SLC35F1: variants seen among roughly 807,000 people sequenced by gnomAD.
SLC35F1 encodes the protein solute carrier family 35 member F1.
Under a neutral mutation model 48.7 loss-of-function variants are expected in SLC35F1, and 14 were observed. The observed-to-expected ratio is 0.29, with a 90% CI of 0.19 to 0.45. The LOEUF (loss-of-function observed/expected upper bound fraction) is 0.45, where lower values mean the gene tolerates loss of function less well. Ranked by LOEUF, SLC35F1 falls within the 20% of genes least tolerant of loss-of-function variation. The pLI, the probability that SLC35F1 is intolerant of heterozygous loss-of-function variation, is 1.00. For missense variants in SLC35F1, 404 were observed against 500.0 expected (o/e 0.81, Z 1.83); for synonymous variants, 190 against 202.2 (o/e 0.94, Z 0.51).
intron 3 of SLC35F1, among the ~76,000 whole-genome samples, chr6:118,264,115 G>A (rs927182865): frequency 1.6e-4 from 25 of 152,318 alleles, no homozygotes; most frequent in African/African-American, 6.0e-4. Context: ...ATTCTAAACT[G>A]AGGAGATACT....
chr6:118,190,805 G>A (rs1255518843), intron 2 of SLC35F1, among the ~76,000 whole-genome samples: 1 of 152,090 alleles, frequency 6.6e-6, no homozygotes, highest in Non-Finnish European at 1.5e-5. Context: ...CAAAGAATTA[G>A]TTAGTCTACT....
At chr6:118,167,131 G>C (rs1271862739) in intron 2 of SLC35F1, among the ~76,000 whole-genome samples, 9 of 152,044 alleles carry the variant, frequency 5.9e-5, no homozygotes. Flanking sequence ...AGATGCGAAG[G>C]ATCCCTAATT....
intron 1 of SLC35F1, among the ~76,000 whole-genome samples, chr6:118,065,069 T>A (rs1156821644): frequency 2.0e-5 from 3 of 152,194 alleles, no homozygotes. Flanking sequence ...AATTATTGCA[T>A]GATCTTCCAC....
chr6:118,291,017 C>T (rs1377781800), intron 7 of SLC35F1, among the ~76,000 whole-genome samples: 1 of 151,876 alleles, frequency 6.6e-6, no homozygotes, highest in Non-Finnish European at 1.5e-5. Context: ...CTGGTCTCGA[C>T]CTCCTGACCT....
At chr6:118,099,093 T>G (rs1397528457) in intron 1 of SLC35F1, among the ~76,000 whole-genome samples, 2 of 152,192 alleles carry the variant, frequency 1.3e-5, no homozygotes, top group Non-Finnish European at 2.9e-5. Context: ...ATGGGATAGA[T>G]CCACATTCCC....
At chr6:117,966,681 C>G (rs1394587347) in intron 1 of SLC35F1, among the ~76,000 whole-genome samples, 2 of 152,188 alleles carry the variant, frequency 1.3e-5, no homozygotes, top group Non-Finnish European at 1.5e-5. Flanking sequence ...AGGCCTCTCT[C>G]CTTGGCTTGT....
At position 118,022,824 on chromosome 6, in the gene SLC35F1, C is replaced by T. The variant is rs897646901; in HGVS notation, c.173+114925C>T. On this transcript the variant is annotated intron_variant, in intron 1 of 7. Transcript: ENST00000360388. Reference sequence around the variant, plus strand: ...GGAGTGCAGTGGTGCGATCTCGGCTCACTGCAAGCTCCGCCTCCTGGGTTC... The same window carrying T: ...GGAGTGCAGTGGTGCGATCTCGGCTTACTGCAAGCTCCGCCTCCTGGGTTC... Among the ~76,000 whole-genome samples, 4 of 149,450 alleles carry T rather than the reference C, an allele frequency of 2.7e-5. No homozygotes were observed. In the East Asian group the frequency reaches 5.9e-4, roughly 22 times the overall value.
chr6:118,306,145 G>A (rs1776308966), intron 7 of SLC35F1, among the ~76,000 whole-genome samples: 2 of 152,114 alleles, frequency 1.3e-5, no homozygotes, highest in African/African-American at 4.8e-5. Context: ...TTTGCCTATT[G>A]TTTCAGAAGC....
intron 1 of SLC35F1, among the ~76,000 whole-genome samples, chr6:118,043,840 T>A (rs1344561588): frequency 6.6e-6 from 1 of 152,230 alleles, no homozygotes; most frequent in African/African-American, 2.4e-5. Context: ...GATCTACAGG[T>A]AAATAAATTG....
At chr6:117,921,062 A>G (rs1775892449) in intron 1 of SLC35F1, among the ~76,000 whole-genome samples, 1 of 19,398 alleles carries the variant, frequency 5.2e-5, no homozygotes, top group African/African-American at 8.9e-5. Flanking sequence ...TGACACACAC[A>G]CACACACACA....
At chr6:117,945,012 G>A (rs56341041) in intron 1 of SLC35F1, among the ~76,000 whole-genome samples, 5,616 of 152,262 alleles carry the variant, frequency 0.037, 145 homozygotes, top group Middle Eastern at 0.065. Context: ...GGAAACAACA[G>A]TGAACAAAGT....
chr6:118,314,742 C>G lies in SLC35F1; in HGVS notation c.*490C>G, dbSNP rs995092055. On this transcript the variant is annotated 3_prime_UTR_variant, in exon 8 of 8. Coordinates refer to ENST00000360388, the MANE Select transcript of SLC35F1 (RefSeq NM_001029858.4). ...GTGATGCATGCCACAGGAGCTCCACCCCTGAGAAGTTTCCTTTTCCTAGGG... is the reference window on the plus strand; with the variant it reads ...GTGATGCATGCCACAGGAGCTCCACGCCTGAGAAGTTTCCTTTTCCTAGGG... The G allele has an allele frequency of 6.3e-6, 1 of 158,436 alleles. No individual in the cohort carries two copies. Among genetic ancestry groups the G allele is most frequent in the African/African-American group, 2.4e-5 (1 of 41,436 alleles). The allele number at this position is 158,436 out of a possible 1,614,324, so 9.8% of individuals were successfully genotyped here.
At chr6:117,934,025 G>A (rs1348816017) in intron 1 of SLC35F1, among the ~76,000 whole-genome samples, 1 of 152,028 alleles carries the variant, frequency 6.6e-6, no homozygotes, top group Non-Finnish European at 1.5e-5. Context: ...GGTTTGCTCC[G>A]ACAGAGTAAG....
chr6:118,282,752 A>G (rs1412016502), intron 6 of SLC35F1, among the ~76,000 whole-genome samples: 1 of 152,118 alleles, frequency 6.6e-6, no homozygotes, highest in Non-Finnish European at 1.5e-5. Context: ...GGCATCCTCC[A>G]TGCTCTCCTT....
chr6:118,007,733 C>T (rs1319352457), intron 1 of SLC35F1, among the ~76,000 whole-genome samples: 1 of 152,098 alleles, frequency 6.6e-6, no homozygotes, highest in African/African-American at 2.4e-5. Context: ...GGTCAGGAGT[C>T]CAGGTATGGG....
intron 7 of SLC35F1, among the ~76,000 whole-genome samples, chr6:118,299,463 A>G (rs1039650368): frequency 6.6e-6 from 1 of 152,188 alleles, no homozygotes; most frequent in Non-Finnish European, 1.5e-5. Context: ...ATAATGTTTT[A>G]AAATGTCTAA....
chr6:118,220,860 C>T (rs1775137786), intron 2 of SLC35F1, among the ~76,000 whole-genome samples: 1 of 152,168 alleles, frequency 6.6e-6, no homozygotes, highest in South Asian at 2.1e-4. Context: ...AGAAGCTTGG[C>T]ATTGTCGAAT....
intron 4 of SLC35F1, among the ~76,000 whole-genome samples, chr6:118,274,650 G>A (rs1021641686): frequency 3.3e-5 from 5 of 152,104 alleles, no homozygotes; most frequent in African/African-American, 4.8e-5. Context: ...CACCCGCCTC[G>A]GCCTCCCAAA....
At chr6:117,984,076 G>GA (rs1446420670) in intron 1 of SLC35F1, among the ~76,000 whole-genome samples, 1 of 151,980 alleles carries the variant, frequency 6.6e-6, no homozygotes, top group Non-Finnish European at 1.5e-5. Flanking sequence ...CATTTACTTT[G>GA]AAAAAACTCC....
Sources: gnomAD v4.1 joint callset for allele counts (sites outside exome capture counted in the v4.1 genomes callset) on GRCh38, gnomAD v4.1.1 for gene constraint, MANE v1.5 for transcripts, NCBI Gene and HGNC (gene_info 2026-07-23, HGNC 2026-07-21) for gene names.